Variants in KMO observed in about 807,000 individuals in gnomAD.
KMO encodes kynurenine 3-hydroxylase.
A neutral mutation model predicts 57.8 loss-of-function variants in KMO; 24 were observed. The ratio of observed to expected loss-of-function variants is 0.42; its 90% CI spans 0.30 to 0.58. The LOEUF (loss-of-function observed/expected upper bound fraction) is 0.58, where lower values mean the gene tolerates loss of function less well. Ranked by LOEUF, KMO falls within the 20% of genes least tolerant of loss-of-function variation. The pLI is 0.22. For missense variants in KMO, 483 were observed against 588.2 expected, an observed-to-expected ratio of 0.82 and a Z score of 1.85; for synonymous variants, 210 against 193.6, an observed-to-expected ratio of 1.08 and a Z score of -0.70.
Position 241,532,517 on chromosome 1 carries a change from A to G in KMO, c.54+19A>G. ...TGGCTTGGTAAGAATTTTCAGATGGATTACTATTGTTGGTGGTATTATATT... is the reference window on the plus strand; with the variant it reads ...TGGCTTGGTAAGAATTTTCAGATGGGTTACTATTGTTGGTGGTATTATATT... On this transcript the variant is annotated intron_variant, in intron 1 of 14. Transcript: ENST00000366559. 6.3e-7 allele frequency: 1 copy of G among 1,578,608 alleles called. No homozygotes were observed. Among genetic ancestry groups the G allele is most frequent in the Non-Finnish European group, 8.7e-7 (1 of 1,154,350 alleles).
At position 241,565,067 on chromosome 1, in the gene KMO, G is replaced by A. The variant is rs542002311; in HGVS notation, c.687+9G>A. The A allele has an allele frequency of 6.6e-7, 1 of 1,520,516 alleles. No homozygotes were observed. The highest frequency in any genetic ancestry group is 9.1e-7 in the Non-Finnish European group (1 of 1,097,830). The allele number at this position is 1,520,516 out of a possible 1,614,324, so 94.2% of individuals were successfully genotyped here. On this transcript the variant is annotated intron_variant, in intron 8 of 14. Coordinates refer to ENST00000366559, the MANE Select transcript of KMO (RefSeq NM_003679.5). ...TTGCACTTCCTAACATGGTAGTATA[G>A]AATTTTTTATCAACTGTAATTTTGC...
At chr1:241,548,293 G>A (rs956904680) in intron 1 of KMO, among the ~76,000 whole-genome samples, 2 of 151,910 alleles carry the variant, frequency 1.3e-5, no homozygotes, top group Non-Finnish European at 2.9e-5. Context: ...ATTTTTAATG[G>A]GTAAAATTAA....
chr1:241,591,345 A>G (rs1374451630), intron 14 of KMO, among the ~76,000 whole-genome samples: 2 of 151,922 alleles, frequency 1.3e-5, no homozygotes, highest in East Asian at 3.9e-4. Flanking sequence ...CACTATAGCT[A>G]TGTTAGTTAT....
intron 6 of KMO, 59 bp downstream of exon 6, chr1:241,560,811 C>A: frequency 9.2e-7 from 1 of 1,089,386 alleles, no homozygotes. Flanking sequence ...AGAATTGTAT[C>A]TGCAAACTTT....
intron 10 of KMO, among the ~76,000 whole-genome samples, chr1:241,582,177 T>A (rs1662778784): frequency 6.6e-6 from 1 of 152,170 alleles, no homozygotes. Context: ...TATTTTTACT[T>A]GTTGCTTTCA....
chr1:241,547,553 C>T (rs1207629040), intron 1 of KMO, among the ~76,000 whole-genome samples: 4 of 150,620 alleles, frequency 2.7e-5, no homozygotes, highest in Non-Finnish European at 5.9e-5. Flanking sequence ...CACTGCACTC[C>T]AGCCTGGGTG....
intron 5 of KMO, among the ~76,000 whole-genome samples, chr1:241,558,487 A>C (rs1402744389): frequency 6.6e-6 from 1 of 152,168 alleles, no homozygotes. Context: ...CATTGTTGCT[A>C]CATGATTTCC....
At chr1:241,567,498 C>A (rs1558423435) in intron 9 of KMO, among the ~76,000 whole-genome samples, 1 of 152,312 alleles carries the variant, frequency 6.6e-6, no homozygotes, top group South Asian at 2.1e-4. Context: ...AATACCATCA[C>A]ATTGGAGATT....
At chr1:241,557,194 A>G (rs144282212) in intron 5 of KMO, among the ~76,000 whole-genome samples, 54 of 152,338 alleles carry the variant, frequency 3.5e-4, no homozygotes, top group African/African-American at 1.3e-3. Flanking sequence ...TGGAAAAGCC[A>G]CTGGATTACA....
Position 241,555,601 on chromosome 1 carries a change from T to C in KMO, c.313-11T>C. 6.7e-7 allele frequency: 1 copy of C among 1,491,362 alleles called. No homozygotes were observed. The highest frequency in any genetic ancestry group is 1.7e-5 in the Admixed American group (1 of 59,668). 92.4% of individuals were successfully genotyped at this position (1,491,362 alleles called of 1,614,324 possible). ...CAGAAACAAACAGTATCTACTCTAC[T>C]TTTCTTGCAGTATATTCTTTCTGTA... On this transcript the variant is annotated splice_polypyrimidine_tract_variant and intron_variant, in intron 4 of 14. Transcript: ENST00000366559.
chr1:241,556,606 G>T (rs553757630), intron 5 of KMO, among the ~76,000 whole-genome samples: 19 of 152,300 alleles, frequency 1.2e-4, no homozygotes, highest in African/African-American at 3.8e-4. Flanking sequence ...TGGGCCAGGC[G>T]TGGTGGCTCA....
At chr1:241,552,779 C>T (rs1158814519) in intron 4 of KMO, among the ~76,000 whole-genome samples, 2 of 152,152 alleles carry the variant, frequency 1.3e-5, no homozygotes, top group Non-Finnish European at 2.9e-5. Context: ...GACTCCCTTC[C>T]CTGGCCTCCC....
At position 241,594,323 on chromosome 1, in the gene KMO, T is replaced by C; in HGVS notation, c.*2170T>C. 7.9e-7 allele frequency: 1 copy of C among 1,270,010 alleles called. No homozygotes were observed. Among genetic ancestry groups the C allele is most frequent in the South Asian group, 1.4e-5 (1 of 70,358 alleles). The allele number at this position is 1,270,010 out of a possible 1,614,324, so 78.7% of individuals were successfully genotyped here. The stretch of plus-strand genomic sequence containing the variant: ...TCGGATTTCCTGCTGGACCACAAGG[T>C]TCTGTTGATATTACATAGAACGGGT... On this transcript the variant is annotated 3_prime_UTR_variant, in exon 15 of 15. Transcript: ENST00000366559.
chr1:241,559,178 C>T (rs1661746476), intron 5 of KMO, among the ~76,000 whole-genome samples: 1 of 151,656 alleles, frequency 6.6e-6, no homozygotes, highest in African/African-American at 2.4e-5. Flanking sequence ...GAAAGTTATT[C>T]ACTGTCATTC....
chr1:241,540,137 T>C (rs1021526232), intron 1 of KMO, among the ~76,000 whole-genome samples: 16 of 152,252 alleles, frequency 1.1e-4, no homozygotes, highest in African/African-American at 3.8e-4. Context: ...ACATAGAAAA[T>C]GTTAATATTG....
intron 14 of KMO, among the ~76,000 whole-genome samples, chr1:241,590,533 T>C (rs1264118964): frequency 6.6e-6 from 1 of 152,246 alleles, no homozygotes; most frequent in East Asian, 1.9e-4. Context: ...TTTAGCAAGA[T>C]GTACTGTTCT....
Position 241,590,091 on chromosome 1 carries a change from C to A in KMO, c.1178C>A (p.Thr393Asn). 1 of 1,613,662 alleles carries A rather than the reference C, an allele frequency of 6.2e-7. No individual in the cohort carries two copies. Among genetic ancestry groups the A allele is most frequent in the Non-Finnish European group, 8.5e-7 (1 of 1,179,608 alleles). The part of the protein sequence containing the change: ...ERFLHAIMPS[T>N]FIPLYTMVTF... ...TTTCTTCATGCGATTATGCCATCGA[C>A]CTTTATCCCTCTCTATACAATGGTA... Residue 393 changes from threonine to asparagine, a missense_variant, in exon 13 of 15, where the codon ACC (threonine) becomes AAC (asparagine). Thr to Asn is a moderately conservative substitution (Grantham distance 65). Around this residue, in one of 3 missense-constraint regions of KMO, gnomAD observed 410 missense variants for 492.3 expected, o/e 0.83. Coordinates refer to ENST00000366559, the MANE Select transcript of KMO (RefSeq NM_003679.5).
chr1:241,579,151 G>T (rs1029165347), intron 10 of KMO, among the ~76,000 whole-genome samples: 2 of 152,094 alleles, frequency 1.3e-5, no homozygotes, highest in African/African-American at 4.8e-5. Context: ...CTTCCTGAGT[G>T]CAGGTTATTC....
At position 241,566,640 on chromosome 1, in the gene KMO, C is replaced by T. The variant is rs1186287026; in HGVS notation, c.809+28C>T. On this transcript the variant is annotated intron_variant, in intron 9 of 14. Transcript: ENST00000366559. ...AAGTTGCAAGATGTGCCTTTTGCTC[C>T]ATTTGTTTTAATTATTCCAAATTCA... 3 of 1,611,886 alleles carry T rather than the reference C, an allele frequency of 1.9e-6. No homozygotes were observed. In the South Asian group the frequency reaches 3.3e-5, roughly 18 times the overall value.
Sources: gnomAD v4.1 joint callset for allele counts (sites outside exome capture counted in the v4.1 genomes callset) on GRCh38, gnomAD v4.1.1 for gene constraint, gnomAD v4.1.1 regional missense constraint, MANE v1.5 for transcripts, NCBI Gene and HGNC (gene_info 2026-07-23, HGNC 2026-07-21) for gene names.